The following PNPT1 variants were observed in gnomAD, a reference collection of about 807,000 sequenced individuals.
The protein encoded by PNPT1 is polyribonucleotide nucleotidyltransferase 1.
A neutral mutation model predicts 119.5 loss-of-function variants in PNPT1; 53 were observed. That is an observed-to-expected ratio of 0.44 (90% CI 0.36 to 0.56). The LOEUF is 0.56. Among genes scored for constraint, PNPT1 ranks in the 20% least tolerant of loss-of-function variants. The pLI, the probability that PNPT1 is intolerant of heterozygous loss-of-function variation, is 0.00. For synonymous variants in PNPT1, 357 were observed against 322.1 expected (o/e 1.11, Z -1.16); for missense variants, 948 against 938.5 (o/e 1.01, Z -0.13).
At position 55,672,928 on chromosome 2, in the gene PNPT1, A is replaced by T; in HGVS notation, c.831T>A (p.Phe277Leu). 1 of 1,609,146 alleles carries T rather than the reference A, an allele frequency of 6.2e-7. No homozygotes were observed. The highest frequency in any genetic ancestry group is 8.5e-7 in the Non-Finnish European group (1 of 1,178,800). ...GVTKRTPQKL[F>L]TPSPEIVKYT... ...ATTTCACAATCTCTGGCGAAGGGGT[A>T]AATAACTTCTGAGGTGTCCTCTTGG... The change falls in exon 9 of 28, where the codon TTT (phenylalanine) becomes TTA (leucine). Residue 277 changes from phenylalanine (F) to leucine (L), a missense_variant. Coordinates refer to ENST00000447944, the MANE Select transcript of PNPT1 (RefSeq NM_033109.5).
At chr2:55,686,953 G>A (rs1364037121) in intron 2 of PNPT1, among the ~76,000 whole-genome samples, 3 of 151,794 alleles carry the variant, frequency 2.0e-5, no homozygotes, top group Non-Finnish European at 2.9e-5. Context: ...GGTGGCTCAC[G>A]TCTGTAATCC....
At chr2:55,678,755 T>A (rs976571588) in intron 8 of PNPT1, among the ~76,000 whole-genome samples, 2 of 152,218 alleles carry the variant, frequency 1.3e-5, no homozygotes, top group Admixed American at 1.3e-4. Context: ...CTTGTTTAAG[T>A]CTTGTTTATT....
chr2:55,667,046 A>G lies in PNPT1; in HGVS notation c.1121T>C (p.Val374Ala), dbSNP rs377657203. 50 of 1,611,688 alleles carry G rather than the reference A, an allele frequency of 3.1e-5. No individual in the cohort carries two copies. The highest frequency in any genetic ancestry group is 4.2e-5 in the Non-Finnish European group (50 of 1,179,100). The change falls in exon 13 of 28, where the codon GTA becomes GCA. Residue 374 changes from valine (V) to alanine (A), a missense_variant. Transcript: ENST00000447944. ...TCCATGAAGGGTTTTAAACATATCT[A>G]CCTCACAACTTACATTCCTAAGTGA... ...LTSLRNVSCE[V>A]DMFKTLHGSA...
chr2:55,693,570 G>C lies in PNPT1; in HGVS notation c.161+93C>G, dbSNP rs1000337743. On this transcript the variant is annotated intron_variant, in intron 1 of 27. Coordinates refer to ENST00000447944, the MANE Select transcript of PNPT1 (RefSeq NM_033109.5). ...GGTAAGGAGAGATTAAATAGAGCTG[G>C]GATACCGGGTTTCTACCCTGGGAGA... The C allele has an allele frequency of 1.3e-5, 20 of 1,528,564 alleles. No individual in the cohort carries two copies. In the East Asian group the frequency reaches 3.9e-4, roughly 29 times the overall value. 94.7% of individuals were successfully genotyped at this position (1,528,564 alleles called of 1,614,324 possible). A position where few individuals can be genotyped will look rare whatever the true frequency, so the allele number is the denominator to read the frequency against.
chr2:55,661,280 A>G (rs534602532), intron 14 of PNPT1, among the ~76,000 whole-genome samples: 2 of 151,550 alleles, frequency 1.3e-5, no homozygotes, highest in African/African-American at 4.8e-5. Flanking sequence ...TTCAGTAGGG[A>G]CGGAATTTCA....
intron 18 of PNPT1, among the ~76,000 whole-genome samples, chr2:55,654,464 T>C (rs1391684077): frequency 2.0e-5 from 3 of 152,174 alleles, no homozygotes; most frequent in Non-Finnish European, 4.4e-5. Flanking sequence ...TAATCAAAAC[T>C]TCCTTGGTGA....
At position 55,693,753 on chromosome 2, in the gene PNPT1, G is replaced by A. The variant is rs140022349; in HGVS notation, c.71C>T (p.Pro24Leu). Residue 24 changes from proline to leucine, a missense_variant, in exon 1 of 28, where the codon CCA (proline) becomes CTA (leucine). Coordinates refer to ENST00000447944, the MANE Select transcript of PNPT1 (RefSeq NM_033109.5). ...RPLSDGPFLL[P>L]RRDRALTQLQ... Reference sequence around the variant, plus strand: ...CTGGGTGAGTGCCCGATCCCGCCGTGGCAGAAGGAAAGGACCATCGCTCAG... The same window carrying A: ...CTGGGTGAGTGCCCGATCCCGCCGTAGCAGAAGGAAAGGACCATCGCTCAG... The A allele has an allele frequency of 2.5e-6, 4 of 1,614,220 alleles. No individual in the cohort carries two copies. Among genetic ancestry groups the A allele is most frequent in the Non-Finnish European group, 3.4e-6 (4 of 1,180,056 alleles).
intron 14 of PNPT1, among the ~76,000 whole-genome samples, chr2:55,661,561 T>A (rs1696577574): frequency 6.6e-6 from 1 of 152,208 alleles, no homozygotes; most frequent in Non-Finnish European, 1.5e-5. Context: ...ACAAGGCTTT[T>A]CATTAACGAG....
At chr2:55,687,323 C>T (rs889007740) in intron 2 of PNPT1, among the ~76,000 whole-genome samples, 1 of 151,850 alleles carries the variant, frequency 6.6e-6, no homozygotes. Context: ...GCCTGTAGTC[C>T]CAGCTACTCG....
chr2:55,693,717 C>T lies in PNPT1; in HGVS notation c.107G>A (p.Arg36Gln), dbSNP rs1697696282. ...RDRALTQLQVRALWSSAGSRA... is the reference protein window; with the variant it reads ...RDRALTQLQVQALWSSAGSRA... Reference sequence around the variant, plus strand: ...AGACCCTGCGCTACTCCATAGTGCTCGCACTTGCAACTGGGTGAGTGCCCG... The same window carrying T: ...AGACCCTGCGCTACTCCATAGTGCTTGCACTTGCAACTGGGTGAGTGCCCG... Residue 36 changes from arginine (R) to glutamine (Q), a missense_variant, in exon 1 of 28, where the codon CGA (arginine) becomes CAA (glutamine). Coordinates refer to ENST00000447944, the MANE Select transcript of PNPT1 (RefSeq NM_033109.5). 6.2e-7 allele frequency: 1 copy of T among 1,614,224 alleles called. No individual in the cohort carries two copies. Among genetic ancestry groups the T allele is most frequent in the Non-Finnish European group, 8.5e-7 (1 of 1,180,038 alleles).
At chr2:55,668,017 T>C (rs558636725) in intron 11 of PNPT1, 59 bp from the exon 12 acceptor site, 7 of 1,427,968 alleles carry the variant, frequency 4.9e-6, no homozygotes, top group African/African-American at 2.9e-5. Context: ...ATAGGATTTC[T>C]CTAAAGTTCA....
chr2:55,637,379 G>A (rs1277807114), intron 27 of PNPT1, among the ~76,000 whole-genome samples, 173 bp downstream of exon 27: 3 of 152,168 alleles, frequency 2.0e-5, no homozygotes, highest in South Asian at 2.1e-4. Flanking sequence ...GGAAAGAATT[G>A]TGTCTTAAAT....
intron 1 of PNPT1, among the ~76,000 whole-genome samples, chr2:55,691,855 T>C (rs1352409774): frequency 1.7e-5 from 1 of 57,736 alleles, no homozygotes; most frequent in Non-Finnish European, 3.4e-5. Flanking sequence ...TGTTTATATA[T>C]ATATATATAT....
At chr2:55,638,777 A>G (rs1695753050) in intron 26 of PNPT1, among the ~76,000 whole-genome samples, 1 of 151,120 alleles carries the variant, frequency 6.6e-6, no homozygotes. Flanking sequence ...TCTTAAGGAC[A>G]TCTTTTTTTT....
rs774947439 is a variant in PNPT1, at chr2:55,656,391, A to G, written c.1285-20T>C. Reference sequence around the variant, plus strand: ...AGGAAACTTAAAAAAAAAAAAACACAAACACACATATACAATTGACATAGA... The same window carrying G: ...AGGAAACTTAAAAAAAAAAAAACACGAACACACATATACAATTGACATAGA... On this transcript the variant is annotated intron_variant, in intron 15 of 27. Coordinates refer to ENST00000447944, the MANE Select transcript of PNPT1 (RefSeq NM_033109.5). The G allele has an allele frequency of 6.4e-7, 1 of 1,565,966 alleles. No individual in the cohort carries two copies. Among genetic ancestry groups the G allele is most frequent in the African/African-American group, 1.4e-5 (1 of 72,592 alleles).
intron 15 of PNPT1, among the ~76,000 whole-genome samples, chr2:55,659,606 A>G (rs1253711405): frequency 6.6e-6 from 1 of 152,102 alleles, no homozygotes; most frequent in African/African-American, 2.4e-5. Context: ...TTGATTAGAA[A>G]AATACCACTT....
Position 55,685,053 on chromosome 2 carries a change from A to T in PNPT1, c.298-5T>A. On this transcript the variant is annotated splice_polypyrimidine_tract_variant and splice_region_variant and intron_variant, in intron 3 of 27. Coordinates refer to ENST00000447944, the MANE Select transcript of PNPT1 (RefSeq NM_033109.5). ...AGCTTTTTGTCTGTAGTCAACCTGA[A>T]GCAGCAATAAAAAAAAGTTCATATA... is the stretch of plus-strand genomic sequence containing the variant. The T allele has an allele frequency of 6.4e-7, 1 of 1,566,960 alleles. No homozygotes were observed. The highest frequency in any genetic ancestry group is 1.2e-5 in the South Asian group (1 of 85,756).
intron 3 of PNPT1, 147 bp from the exon 4 acceptor site, chr2:55,685,195 G>T: frequency 1.8e-6 from 1 of 564,402 alleles, no homozygotes; most frequent in Non-Finnish European, 2.7e-6. Context: ...GTATCTTTTG[G>T]GGAGAGGAAA....
chr2:55,676,262 CAAA>C (rs11400030), intron 8 of PNPT1, among the ~76,000 whole-genome samples: 2 of 82,852 alleles, frequency 2.4e-5, no homozygotes, highest in African/African-American at 5.0e-5. Context: ...CCATCTCAAC[CAAA>C]AAAAAAAAAA....
Sources: allele counts gnomAD v4.1 joint callset (sites outside exome capture counted in the v4.1 genomes callset), GRCh38; gene constraint gnomAD v4.1.1; transcripts MANE v1.5; gene names NCBI Gene and HGNC (gene_info 2026-07-23, HGNC 2026-07-21).